SHROOM3: variants seen among roughly 807,000 people sequenced by gnomAD.
SHROOM3 encodes shroom family member 3, also known as protein Shroom3.
A neutral mutation model predicts 138.6 loss-of-function variants in SHROOM3; 47 were observed. The observed-to-expected ratio is 0.34, with a 90% CI of 0.27 to 0.43. The LOEUF is 0.43. Among genes scored for constraint, SHROOM3 ranks in the 20% least tolerant of loss-of-function variants. The pLI, the probability that SHROOM3 is intolerant of heterozygous loss-of-function variation, is 1.00. For synonymous variants in SHROOM3, 1,062 were observed against 1,063.3 expected (o/e 1.00, Z 0.02); for missense variants, 2,491 against 2,596.5 (o/e 0.96, Z 0.88).
intron 2 of SHROOM3, among the ~76,000 whole-genome samples, chr4:76,666,552 C>T (rs1718699150): frequency 6.6e-6 from 1 of 152,136 alleles, no homozygotes; most frequent in Non-Finnish European, 1.5e-5. Flanking sequence ...GCTGGGATTA[C>T]AGGCATAAGC....
At chr4:76,594,886 A>T (rs1419137819) in intron 2 of SHROOM3, among the ~76,000 whole-genome samples, 1 of 152,240 alleles carries the variant, frequency 6.6e-6, no homozygotes. Context: ...ACATAAACCC[A>T]CTAAGACCAA....
In SHROOM3 at chr4:76,552,379, C is replaced by T. The variant is rs141939956; in HGVS notation, c.169-3230C>T. On this transcript the variant is annotated intron_variant, in intron 1 of 10. Transcript: ENST00000296043. ...AAAATTAGCCAGACCTGTTGGCACA[C>T]GCCTATAGTCCTAGCTACTCAAAAG... is the stretch of plus-strand genomic sequence containing the variant. 1.2e-3 allele frequency among the ~76,000 whole-genome samples: 175 copies of T among 150,772 alleles called. 2 individuals are homozygous for T. The East Asian group carries it at 0.026, about 22-fold the overall frequency.
At chr4:76,736,605 A>C (rs1721078955) in intron 4 of SHROOM3, among the ~76,000 whole-genome samples, 1 of 152,222 alleles carries the variant, frequency 6.6e-6, no homozygotes, top group Non-Finnish European at 1.5e-5. Flanking sequence ...CATGAATTTT[A>C]ATAGTGTTGA....
At position 76,780,097 on chromosome 4, in the gene SHROOM3, G is replaced by C. The variant is rs567538021; in HGVS notation, c.*920G>C. The C allele has an allele frequency of 5.9e-5, 9 of 152,174 alleles. No individual in the cohort carries two copies. In the South Asian group the frequency reaches 1.9e-3, roughly 32 times the overall value. 9.4% of individuals were successfully genotyped at this position (152,174 alleles called of 1,614,324 possible). On this transcript the variant is annotated 3_prime_UTR_variant, in exon 11 of 11. Transcript: ENST00000296043. Reference sequence around the variant, plus strand: ...CAAACGGAGCCCATGCTGTTCTCCTGAACAAGATTTGGGCTAAATACGGCC... The same window carrying C: ...CAAACGGAGCCCATGCTGTTCTCCTCAACAAGATTTGGGCTAAATACGGCC...
intron 2 of SHROOM3, chr4:76,575,569 T>C (rs1327858995): frequency 6.6e-6 from 1 of 152,176 alleles, no homozygotes; most frequent in Non-Finnish European, 1.5e-5. Flanking sequence ...GCAAAAGTGA[T>C]TGCAGTGTTT....
chr4:76,726,861 G>A (rs1048811019), intron 3 of SHROOM3, among the ~76,000 whole-genome samples: 10 of 152,102 alleles, frequency 6.6e-5, no homozygotes, highest in Admixed American at 1.3e-4. Context: ...CTTTTTTCCT[G>A]TGGAGCCTGT....
At chr4:76,601,717 G>A (rs556514800) in intron 2 of SHROOM3, among the ~76,000 whole-genome samples, 2 of 152,248 alleles carry the variant, frequency 1.3e-5, no homozygotes, top group South Asian at 4.1e-4. Flanking sequence ...TTGGTGGCCA[G>A]GCTGGTCTCG....
chr4:76,723,150 C>G (rs542788689), intron 3 of SHROOM3, among the ~76,000 whole-genome samples: 2 of 152,208 alleles, frequency 1.3e-5, no homozygotes, highest in African/African-American at 4.8e-5. Context: ...CCAAAGCATA[C>G]CAATCTTTCA....
chr4:76,525,258 C>A (rs1476035311), intron 1 of SHROOM3, among the ~76,000 whole-genome samples: 1 of 152,120 alleles, frequency 6.6e-6, no homozygotes, highest in Non-Finnish European at 1.5e-5. Context: ...ACCTTCTTCA[C>A]AGGGTGACAG....
chr4:76,440,719 T>C (rs1395625754), intron 1 of SHROOM3, among the ~76,000 whole-genome samples: 2 of 152,176 alleles, frequency 1.3e-5, no homozygotes, highest in African/African-American at 4.8e-5. Context: ...GTCTCTTTTG[T>C]CTCTTACATC....
At chr4:76,461,264 A>C (rs1200344238) in intron 1 of SHROOM3, among the ~76,000 whole-genome samples, 3 of 152,208 alleles carry the variant, frequency 2.0e-5, no homozygotes, top group Non-Finnish European at 4.4e-5. Flanking sequence ...CATACAAAAG[A>C]GTCAAAGGCA....
intron 1 of SHROOM3, among the ~76,000 whole-genome samples, chr4:76,537,635 G>A (rs1733007834): frequency 6.6e-6 from 1 of 152,126 alleles, no homozygotes; most frequent in South Asian, 2.1e-4. Context: ...GAGCAATTTA[G>A]GCTTTGCTGA....
intron 2 of SHROOM3, among the ~76,000 whole-genome samples, chr4:76,609,628 A>G (rs913033633): frequency 2.6e-5 from 4 of 152,200 alleles, no homozygotes; most frequent in African/African-American, 9.7e-5. Flanking sequence ...TAAAAAAGAA[A>G]TGTGAAAAAA....
Position 76,691,710 on chromosome 4 carries a change from C to G in SHROOM3, c.324-18446C>G, listed in dbSNP as rs192826942. 8.6e-5 allele frequency among the ~76,000 whole-genome samples: 13 copies of G among 151,988 alleles called. No individual in the cohort carries two copies. In the East Asian group the frequency reaches 2.3e-3, roughly 27 times the overall value. On this transcript the variant is annotated intron_variant, in intron 2 of 10. Coordinates refer to ENST00000296043, the MANE Select transcript of SHROOM3 (RefSeq NM_020859.4). The stretch of plus-strand genomic sequence containing the variant: ...TGTGTGAAGAGTGTGCCTGAGTTTT[C>G]TCCACTTTTAACCTAGTGTTATTTT...
chr4:76,667,611 G>A (rs1036417530), intron 2 of SHROOM3, among the ~76,000 whole-genome samples: 1 of 151,988 alleles, frequency 6.6e-6, no homozygotes, highest in South Asian at 2.1e-4. Context: ...ATCATGCCCA[G>A]CCTGTTATGT....
At chr4:76,771,439 C>T (rs1260669126) in intron 10 of SHROOM3, among the ~76,000 whole-genome samples, 1 of 152,006 alleles carries the variant, frequency 6.6e-6, no homozygotes, top group Admixed American at 6.6e-5. Context: ...GTAAGAACCA[C>T]AGGCACCAGA....
chr4:76,658,748 A>G (rs116083393), intron 2 of SHROOM3, among the ~76,000 whole-genome samples: 2 of 152,216 alleles, frequency 1.3e-5, no homozygotes, highest in African/African-American at 4.8e-5. Context: ...TAACATAGGT[A>G]CCTTTGGATG....
In SHROOM3 at chr4:76,759,573, T is replaced by C. The variant is rs1721929516; in HGVS notation, c.5227T>C (p.Leu1743=). The part of the protein sequence containing the change: ...RNEDKEAVSM[L]VNCPAYYSVS... ...TGAAGACAAGGAAGCAGTGAGCATGTTGGTTAACTGCCCTGCCTACTACAG... is the reference window on the plus strand; with the variant it reads ...TGAAGACAAGGAAGCAGTGAGCATGCTGGTTAACTGCCCTGCCTACTACAG... Residue 1743 remains leucine (L), a synonymous_variant, in exon 9 of 11, where the codon TTG becomes CTG. Transcript: ENST00000296043. 6.2e-7 allele frequency: 1 copy of C among 1,614,134 alleles called. No homozygotes were observed. Among genetic ancestry groups the C allele is most frequent in the Non-Finnish European group, 8.5e-7 (1 of 1,179,992 alleles).
intron 1 of SHROOM3, among the ~76,000 whole-genome samples, chr4:76,547,579 T>A (rs1733249966): frequency 6.6e-6 from 1 of 152,090 alleles, no homozygotes; most frequent in African/African-American, 2.4e-5. Context: ...AATCCCTGCC[T>A]TCGTGGGGCT....
Sources: allele counts gnomAD v4.1 joint callset (sites outside exome capture counted in the v4.1 genomes callset), GRCh38; gene constraint gnomAD v4.1.1; transcripts MANE v1.5; gene names NCBI Gene and HGNC (gene_info 2026-07-23, HGNC 2026-07-21).